DNAH11: variants seen among roughly 807,000 people sequenced by gnomAD.
The protein encoded by DNAH11 is dynein axonemal heavy chain 11.
Under a neutral mutation model 526.0 loss-of-function variants are expected in DNAH11, and 442 were observed. The ratio of observed to expected loss-of-function variants is 0.84; its 90% CI spans 0.78 to 0.91. DNAH11 has a LOEUF of 0.91. DNAH11 is among the 40% of genes least tolerant of loss of function. DNAH11 has a pLI of 0.00. For missense variants in DNAH11, 6,989 were observed against 5,448.7 expected, an observed-to-expected ratio of 1.28 and a Z score of -8.90; for synonymous variants, 2,461 against 1,935.9, an observed-to-expected ratio of 1.27 and a Z score of -7.12.
intron 21 of DNAH11, 133 bp downstream of exon 21, chr7:21,615,405 C>T (rs1011904526): frequency 2.1e-6 from 2 of 938,006 alleles, no homozygotes; most frequent in Non-Finnish European, 3.0e-6. Flanking sequence ...TCACCCCAGC[C>T]CCAAATTAGA....
At chr7:21,681,200 G>C (rs1783120096) in intron 30 of DNAH11, among the ~76,000 whole-genome samples, 1 of 152,112 alleles carries the variant, frequency 6.6e-6, no homozygotes, top group African/African-American at 2.4e-5. Flanking sequence ...GCCGAGGTAG[G>C]CAGATCACTC....
intron 29 of DNAH11, among the ~76,000 whole-genome samples, chr7:21,657,795 G>C (rs534068831): frequency 3.3e-5 from 5 of 152,282 alleles, no homozygotes; most frequent in African/African-American, 1.2e-4. Context: ...CTTAAGAAGA[G>C]ATACTGAGGC....
intron 20 of DNAH11, among the ~76,000 whole-genome samples, chr7:21,610,494 A>T (rs1785477956): frequency 6.6e-6 from 1 of 152,216 alleles, no homozygotes; most frequent in African/African-American, 2.4e-5. Context: ...GTTCAGTCAA[A>T]TATGAGTACA....
At chr7:21,855,917 G>A (rs916972113) in intron 68 of DNAH11, among the ~76,000 whole-genome samples, 2 of 152,260 alleles carry the variant, frequency 1.3e-5, no homozygotes, top group Middle Eastern at 3.4e-3. Flanking sequence ...AATGATAGAG[G>A]TGGAGAGGCT....
rs1423484945 is a variant in DNAH11, at chr7:21,545,123, G to T, written c.469G>T (p.Gly157Ter). The change falls in exon 2 of 82, where the codon GGA (glycine) becomes TGA (stop). Residue 157 changes from glycine (G) to a stop codon, truncating the protein, a stop_gained. Coordinates refer to ENST00000409508, the MANE Select transcript of DNAH11 (RefSeq NM_001277115.2). LOFTEE classifies it high-confidence loss of function. ...LFGELPALSL[G>*]HVSAFLDEIL... ...TGGAGAGTTACCTGCGTTGTCTCTT[G>T]GACATGTATCTGCTTTCCTTGATGA... 3.1e-6 allele frequency: 5 copies of T among 1,610,278 alleles called. No homozygotes were observed. Among genetic ancestry groups the T allele is most frequent in the Non-Finnish European group, 3.4e-6 (4 of 1,178,196 alleles).
intron 61 of DNAH11, among the ~76,000 whole-genome samples, chr7:21,791,608 C>G (rs780080151): frequency 6.6e-6 from 1 of 152,188 alleles, no homozygotes; most frequent in South Asian, 2.1e-4. Flanking sequence ...AGAGCTCCCC[C>G]ATCTACTTCG....
chr7:21,574,720 C>T (rs1006198163), intron 8 of DNAH11, among the ~76,000 whole-genome samples: 3 of 149,862 alleles, frequency 2.0e-5, no homozygotes, highest in Non-Finnish European at 4.4e-5. Flanking sequence ...CACACCACCA[C>T]GCCCAGGTAA....
At chr7:21,643,749 C>T (rs1183226151) in intron 28 of DNAH11, among the ~76,000 whole-genome samples, 1 of 152,052 alleles carries the variant, frequency 6.6e-6, no homozygotes, top group Non-Finnish European at 1.5e-5. Context: ...ATGAAAAATC[C>T]AAATTGAGCT....
chr7:21,656,670 A>G (rs1363510025), intron 29 of DNAH11, among the ~76,000 whole-genome samples: 2 of 152,164 alleles, frequency 1.3e-5, no homozygotes, highest in Non-Finnish European at 2.9e-5. Context: ...TAATCCACAG[A>G]GTAACTGATG....
chr7:21,590,401 A>C (rs1190557924), intron 12 of DNAH11, among the ~76,000 whole-genome samples: 1 of 152,202 alleles, frequency 6.6e-6, no homozygotes, highest in Non-Finnish European at 1.5e-5. Context: ...ACAAAACACA[A>C]AATGCCTTAA....
In DNAH11 at chr7:21,894,794, C is replaced by G; in HGVS notation, c.12922C>G (p.Leu4308Val). Residue 4308 changes from leucine (L) to valine (V), a missense_variant, in exon 78 of 82, where the codon CTT becomes GTT. Transcript: ENST00000409508. ...ACGTATATCACTTGAACAACTGGAC[C>G]TTAGTTTGAAGGTAAGCTTAAAGTG... ...EIRISLEQLD[L>V]SLKGELALSP... The G allele has an allele frequency of 6.2e-7, 1 of 1,609,016 alleles. No homozygotes were observed. Among genetic ancestry groups the G allele is most frequent in the Non-Finnish European group, 8.5e-7 (1 of 1,177,030 alleles).
intron 75 of DNAH11, 33 bp from the exon 76 acceptor site, chr7:21,884,258 C>T (rs1367885586): frequency 1.9e-6 from 3 of 1,576,282 alleles, no homozygotes; most frequent in Non-Finnish European, 2.6e-6. Flanking sequence ...ACTCTGCACC[C>T]AGCAGTGAAT....
chr7:21,859,461 A>T (rs1234164172), intron 68 of DNAH11, among the ~76,000 whole-genome samples: 1 of 152,182 alleles, frequency 6.6e-6, no homozygotes, highest in African/African-American at 2.4e-5. Context: ...AAGACATCTC[A>T]TTGTGTATTT....
At chr7:21,741,134 A>G (rs909840180) in intron 48 of DNAH11, among the ~76,000 whole-genome samples, 8 of 152,110 alleles carry the variant, frequency 5.3e-5, no homozygotes, top group South Asian at 2.1e-4. Context: ...AGGCACTGAT[A>G]TTTTCTCTGT....
chr7:21,701,098 AAACAAC>A lies in DNAH11; in HGVS notation c.6181-1594_6181-1589del, dbSNP rs370170241. Among the ~76,000 whole-genome samples, 292 of 151,914 alleles carry A rather than the reference AAACAAC, an allele frequency of 1.9e-3. 10 individuals are homozygous for A. The East Asian group carries it at 0.046, about 24-fold the overall frequency. On this transcript the variant is annotated intron_variant, in intron 36 of 81. Coordinates refer to ENST00000409508, the MANE Select transcript of DNAH11 (RefSeq NM_001277115.2). ...ATTCTGCACATGTGTCCCGAAACTT[AAACAAC>A]AACAACAACAACAACAAAACCTCTG... is the stretch of plus-strand genomic sequence containing the variant.
At chr7:21,751,876 G>C (rs778833172) in intron 54 of DNAH11, among the ~76,000 whole-genome samples, 2 of 152,194 alleles carry the variant, frequency 1.3e-5, no homozygotes, top group East Asian at 1.9e-4. Context: ...ATTTCTTCCT[G>C]TTCCATGGTG....
rs561266594 is a variant in DNAH11, at chr7:21,735,688, G to C, written c.7489G>C (p.Glu2497Gln). 5.6e-6 allele frequency: 9 copies of C among 1,612,456 alleles called. No individual in the cohort carries two copies. The highest frequency in any genetic ancestry group is 7.6e-6 in the Non-Finnish European group (9 of 1,179,102). Residue 2497 changes from glutamate to glutamine, a missense_variant, in exon 46 of 82, where the codon GAG becomes CAG. Glu to Gln is a conservative substitution (Grantham distance 29, BLOSUM62 2). Transcript: ENST00000409508. ...GACAGCTCGTCTTAGATATTTCATG[G>C]AGTTGTTGCTTGAGAAAGGAAAACC... is the stretch of plus-strand genomic sequence containing the variant. ...TETARLRYFM[E>Q]LLLEKGKPLM... is the part of the protein sequence containing the mutation.
chr7:21,738,946 T>C, intron 47 of DNAH11, 80 bp downstream of exon 47: 2 of 1,201,762 alleles, frequency 1.7e-6, no homozygotes, highest in Non-Finnish European at 2.2e-6. Context: ...TGAATAATTA[T>C]TATGAATAAT....
Position 21,717,901 on chromosome 7 carries a change from A to G in DNAH11, c.7110A>G (p.Ser2370=). 1 of 1,613,610 alleles carries G rather than the reference A, an allele frequency of 6.2e-7. No individual in the cohort carries two copies. The highest frequency in any genetic ancestry group is 8.5e-7 in the Non-Finnish European group (1 of 1,179,670). The change falls in exon 43 of 82, where the codon TCA becomes TCG. Residue 2370 remains serine, a synonymous_variant. Coordinates refer to ENST00000409508, the MANE Select transcript of DNAH11 (RefSeq NM_001277115.2). ...GAACAAGCTTTAAAACCATCACTTC[A>G]ATTCCTGAGAGTAGCCTGGTGCAGG... The part of the protein sequence containing the change: ...KLRTSFKTIT[S]IPESSLVQTL...
Sources: allele counts gnomAD v4.1 joint callset (sites outside exome capture counted in the v4.1 genomes callset), GRCh38; gene constraint gnomAD v4.1.1; transcripts MANE v1.5; gene names NCBI Gene and HGNC (gene_info 2026-07-23, HGNC 2026-07-21).